PPP2R5E: variants seen among roughly 807,000 people sequenced by gnomAD.
PPP2R5E encodes the protein serine/threonine-protein phosphatase 2A 56 kDa regulatory subunit epsilon isoform.
A neutral mutation model predicts 65.3 loss-of-function variants in PPP2R5E; 4 were observed. That is an observed-to-expected ratio of 0.06 (90% CI 0.03 to 0.14). The LOEUF (loss-of-function observed/expected upper bound fraction) is 0.14. PPP2R5E is among the 10% of genes least tolerant of loss of function. PPP2R5E has a pLI of 1.00. For synonymous variants in PPP2R5E, 183 were observed against 187.4 expected, an observed-to-expected ratio of 0.98 and a Z score of 0.19; for missense variants, 274 against 556.1, an observed-to-expected ratio of 0.49 and a Z score of 5.10.
At position 63,431,708 on chromosome 14, in the gene PPP2R5E, A is replaced by C. The variant is rs545246399; in HGVS notation, c.355-9614T>G. On this transcript the variant is annotated intron_variant, in intron 3 of 13. Coordinates refer to ENST00000337537, the MANE Select transcript of PPP2R5E (RefSeq NM_006246.5). ...CAGGGTGCATTGTTTACATGTGACTAAGAAACATGCACTTGTGACAGTTGT... is the reference window on the plus strand; with the variant it reads ...CAGGGTGCATTGTTTACATGTGACTCAGAAACATGCACTTGTGACAGTTGT... Among the ~76,000 whole-genome samples the C allele has an allele frequency of 3.9e-5, 6 of 152,336 alleles. No individual in the cohort carries two copies. The East Asian group carries it at 1.2e-3, about 29-fold the overall frequency.
At chr14:63,412,064 G>A (rs1886420190) in intron 5 of PPP2R5E, among the ~76,000 whole-genome samples, 1 of 152,196 alleles carries the variant, frequency 6.6e-6, no homozygotes, top group Non-Finnish European at 1.5e-5. Context: ...TCATAAAGAT[G>A]GAAGACACAG....
chr14:63,490,608 C>G (rs1566740435), intron 2 of PPP2R5E, among the ~76,000 whole-genome samples: 2 of 151,948 alleles, frequency 1.3e-5, no homozygotes, highest in South Asian at 2.1e-4. Context: ...AGAGGACATA[C>G]AAGCAGTCAA....
At chr14:63,490,502 T>C (rs966478769) in intron 2 of PPP2R5E, among the ~76,000 whole-genome samples, 9 of 151,918 alleles carry the variant, frequency 5.9e-5, no homozygotes, top group African/African-American at 1.9e-4. Context: ...GATGAAGGAC[T>C]AATATCCAGA....
At chr14:63,508,451 T>C (rs969920244) in intron 2 of PPP2R5E, among the ~76,000 whole-genome samples, 4 of 152,308 alleles carry the variant, frequency 2.6e-5, no homozygotes, top group Non-Finnish European at 2.9e-5. Flanking sequence ...ATATGCCTTC[T>C]ATATATATTA....
chr14:63,428,203 A>G lies in PPP2R5E; in HGVS notation c.355-6109T>C, dbSNP rs147277381. ...ATTACTGCACAGTTTCCTTTCCGGT[A>G]CTCTCTTCCTCACATCCCTTCTTTT... is the stretch of plus-strand genomic sequence containing the variant. On this transcript the variant is annotated intron_variant, in intron 3 of 13. Coordinates refer to ENST00000337537, the MANE Select transcript of PPP2R5E (RefSeq NM_006246.5). Among the ~76,000 whole-genome samples, 209 of 151,972 alleles carry G rather than the reference A, an allele frequency of 1.4e-3. 1 individual carries two copies. The highest frequency in any genetic ancestry group is 4.9e-3 in the African/African-American group (205 of 41,426).
intron 2 of PPP2R5E, among the ~76,000 whole-genome samples, chr14:63,483,388 A>G (rs990642892): frequency 6.6e-6 from 1 of 152,036 alleles, no homozygotes; most frequent in South Asian, 2.1e-4. Flanking sequence ...TTCTCCCTCA[A>G]AGAAGTAGTG....
intron 3 of PPP2R5E, among the ~76,000 whole-genome samples, chr14:63,423,836 T>A (rs1016616117): frequency 1.3e-5 from 2 of 152,228 alleles, no homozygotes; most frequent in Non-Finnish European, 2.9e-5. Context: ...CTCATGGAAC[T>A]TACTATATTC....
chr14:63,437,082 C>T (rs1484192912), intron 3 of PPP2R5E, among the ~76,000 whole-genome samples: 4 of 152,154 alleles, frequency 2.6e-5, no homozygotes, highest in Admixed American at 6.5e-5. Context: ...GACCTCTGGT[C>T]GTCCTCACCG....
chr14:63,421,969 A>G (rs757629009), intron 4 of PPP2R5E, 24 bp downstream of exon 4: 34 of 1,555,960 alleles, frequency 2.2e-5, no homozygotes, highest in Non-Finnish European at 3.0e-5. Flanking sequence ...GTTTTCTTTT[A>G]TAACAAATGG....
chr14:63,448,787 CAAA>C (rs36096050), intron 3 of PPP2R5E, among the ~76,000 whole-genome samples: 17 of 86,586 alleles, frequency 2.0e-4, no homozygotes, highest in Non-Finnish European at 2.5e-4. Context: ...AAGACTTCGT[CAAA>C]AAAAAAAAAA....
intron 5 of PPP2R5E, among the ~76,000 whole-genome samples, chr14:63,411,257 A>G (rs1201960317): frequency 6.6e-6 from 1 of 152,220 alleles, no homozygotes; most frequent in Non-Finnish European, 1.5e-5. Context: ...TAAGAAATGC[A>G]GGAAGGATGA....
intron 2 of PPP2R5E, among the ~76,000 whole-genome samples, chr14:63,459,155 A>T (rs891412990): frequency 6.6e-6 from 1 of 152,238 alleles, no homozygotes; most frequent in Non-Finnish European, 1.5e-5. Flanking sequence ...GAGATGCTTA[A>T]TACTAAAACA....
intron 2 of PPP2R5E, among the ~76,000 whole-genome samples, chr14:63,470,428 A>G (rs2139554711): frequency 6.6e-6 from 1 of 151,638 alleles, no homozygotes; most frequent in East Asian, 1.9e-4. Context: ...GTATTCCACA[A>G]TCACACTCTG....
chr14:63,493,474 C>CCG (rs201885257), intron 2 of PPP2R5E, among the ~76,000 whole-genome samples: 5,371 of 125,794 alleles, frequency 0.043, 354 homozygotes, highest in African/African-American at 0.18. Context: ...TGCCAAATTA[C>CCG]CGCGCGCGCG....
intron 13 of PPP2R5E, among the ~76,000 whole-genome samples, chr14:63,379,153 C>T (rs1389298017): frequency 1.3e-5 from 2 of 152,062 alleles, no homozygotes; most frequent in Middle Eastern, 3.4e-3. Context: ...CTCACCCTCC[C>T]GAGTAGCTGG....
At chr14:63,494,833 G>A (rs1005513541) in intron 2 of PPP2R5E, among the ~76,000 whole-genome samples, 4 of 151,896 alleles carry the variant, frequency 2.6e-5, no homozygotes, top group Non-Finnish European at 4.4e-5. Context: ...GGGGGCGGAG[G>A]CTGCAATGAG....
At chr14:63,446,250 G>A (rs139890055) in intron 3 of PPP2R5E, among the ~76,000 whole-genome samples, 56 of 152,172 alleles carry the variant, frequency 3.7e-4, no homozygotes, top group African/African-American at 1.3e-3. Flanking sequence ...TATTGAAGTC[G>A]AAGCTCTCAA....
At chr14:63,430,973 A>G (rs1227767316) in intron 3 of PPP2R5E, among the ~76,000 whole-genome samples, 1 of 152,138 alleles carries the variant, frequency 6.6e-6, no homozygotes, top group Non-Finnish European at 1.5e-5. Flanking sequence ...TTATTATAGT[A>G]TAAAGGCATG....
chr14:63,510,273 C>T (rs762145390), intron 2 of PPP2R5E, among the ~76,000 whole-genome samples: 7 of 152,208 alleles, frequency 4.6e-5, no homozygotes, highest in Non-Finnish European at 8.8e-5. Flanking sequence ...AGAGCCACCA[C>T]TAAGACCAGG....
Sources: gnomAD v4.1 joint callset for allele counts (sites outside exome capture counted in the v4.1 genomes callset) on GRCh38, gnomAD v4.1.1 for gene constraint, MANE v1.5 for transcripts, NCBI Gene and HGNC (gene_info 2026-07-23, HGNC 2026-07-21) for gene names.